BRWD1: variants seen among roughly 807,000 people sequenced by gnomAD.
The protein encoded by BRWD1 is bromodomain and WD repeat domain containing 1, also known as bromodomain and WD repeat-containing protein 1.
Under a neutral mutation model 251.2 loss-of-function variants are expected in BRWD1, and 82 were observed. The observed-to-expected ratio is 0.33, with a 90% CI of 0.27 to 0.39. BRWD1 has a LOEUF of 0.39. Ranked by LOEUF, BRWD1 falls within the 10% of genes least tolerant of loss-of-function variation. The pLI is 1.00. For missense variants in BRWD1, 2,233 were observed against 2,711.6 expected (o/e 0.82, Z 3.92); for synonymous variants, 918 against 902.8 (o/e 1.02, Z -0.30).
At chr21:39,263,057 A>G (rs1252028805) in intron 17 of BRWD1, among the ~76,000 whole-genome samples, 3 of 152,144 alleles carry the variant, frequency 2.0e-5, no homozygotes, top group Non-Finnish European at 2.9e-5. Context: ...GTCAGCCAAG[A>G]TCGCACCACT....
chr21:39,297,002 C>G, intron 5 of BRWD1: 4 of 985,358 alleles, frequency 4.1e-6, no homozygotes, highest in Non-Finnish European at 4.8e-6. Context: ...AATTATATAG[C>G]TTTCCCTTCA....
chr21:39,297,568 G>T (rs1423234598), intron 5 of BRWD1: 1 of 308,916 alleles, frequency 3.2e-6, no homozygotes, highest in Non-Finnish European at 4.7e-6. Flanking sequence ...ACACAGAAGA[G>T]GAAGAATATA....
At position 39,210,087 on chromosome 21, in the gene BRWD1, C is replaced by T; in HGVS notation, c.4105G>A (p.Ala1369Thr). 4 of 1,613,336 alleles carry T rather than the reference C, an allele frequency of 2.5e-6. No homozygotes were observed. Among genetic ancestry groups the T allele is most frequent in the Non-Finnish European group, 3.4e-6 (4 of 1,179,448 alleles). ...DFGTVRETLD[A>T]GNYDSPLEFC... ...TCCAAAGGGCTGTCATAATTTCCCG[C>T]ATCTAGAGTTTCCCTTACTGTTCCA... The change falls in exon 36 of 41, where the codon GCG becomes ACG. Residue 1369 changes from alanine to threonine, a missense_variant. Physicochemically the swap from Ala to Thr is moderately conservative, Grantham distance 58 (BLOSUM62 0). Around this residue, in one of 12 missense-constraint regions of BRWD1, gnomAD observed 69 missense variants for 101.6 expected, o/e 0.68. Coordinates refer to ENST00000342449, the MANE Select transcript of BRWD1 (RefSeq NM_033656.4).
Position 39,264,643 on chromosome 21 carries a change from T to TA in BRWD1, c.1701dup (p.Ile568TyrfsTer2). The TA allele has an allele frequency of 6.2e-7, 1 of 1,612,470 alleles. No homozygotes were observed. The highest frequency in any genetic ancestry group is 8.5e-7 in the Non-Finnish European group (1 of 1,179,402). ...AAGACATAATTATTAGAATCTCTAA[T>TA]AAGTGGTCGATAGTCAGTATGGAAG... On this transcript the variant is annotated frameshift_variant, in exon 17 of 41. Transcript: ENST00000342449. LOFTEE classifies it high-confidence loss of function.
rs1341927659 is a variant in BRWD1, at chr21:39,195,379, C to A, written c.*880G>T. 4 of 985,188 alleles carry A rather than the reference C, an allele frequency of 4.1e-6. No homozygotes were observed. The African/African-American group carries it at 7.0e-5, about 17-fold the overall frequency. The allele number at this position is 985,188 out of a possible 1,614,324, so 61.0% of individuals were successfully genotyped here. A position where few individuals can be genotyped will look rare whatever the true frequency, so the allele number is the denominator to read the frequency against. ...TCTATTAAAGAACACACTTCTAAATCTAAGGCACACGAATTCCTCTATTTC... is the reference window on the plus strand; with the variant it reads ...TCTATTAAAGAACACACTTCTAAATATAAGGCACACGAATTCCTCTATTTC... On this transcript the variant is annotated 3_prime_UTR_variant, in exon 41 of 41. Coordinates refer to ENST00000342449, the MANE Select transcript of BRWD1 (RefSeq NM_033656.4).
At chr21:39,205,718 C>T (rs1014735823) in intron 37 of BRWD1, among the ~76,000 whole-genome samples, 66 of 151,668 alleles carry the variant, frequency 4.4e-4, no homozygotes, top group African/African-American at 1.5e-3. Context: ...TTGCAGTCAG[C>T]CAAGATCATG....
intron 37 of BRWD1, among the ~76,000 whole-genome samples, chr21:39,205,263 G>A (rs373863958): frequency 6.6e-6 from 1 of 151,986 alleles, no homozygotes; most frequent in East Asian, 1.9e-4. Flanking sequence ...CTTGATCCCA[G>A]GAGTTCAAGA....
At position 39,264,969 on chromosome 21, in the gene BRWD1, A is replaced by G. The variant is rs1298981395; in HGVS notation, c.1581T>C (p.Asp527=). ...GAVFDCKFSQ[D]GQHFACTDSH... is the part of the protein sequence containing the mutation. ...AATCTGTACAGGCAAAATGCTGTCC[A>G]TCCTGTGAAAACTTACAGTCAAACA... Residue 527 remains aspartate, a synonymous_variant, in exon 16 of 41, where the codon GAT becomes GAC. Transcript: ENST00000342449. 3.1e-6 allele frequency: 5 copies of G among 1,613,900 alleles called. No homozygotes were observed. The African/African-American group carries it at 6.7e-5, about 22-fold the overall frequency.
chr21:39,251,767 T>C (rs758665927), intron 19 of BRWD1, among the ~76,000 whole-genome samples: 1 of 152,154 alleles, frequency 6.6e-6, no homozygotes, highest in Non-Finnish European at 1.5e-5. Context: ...ATAACGAGAT[T>C]TTCAGCTTGC....
chr21:39,310,153 G>A (rs762562273), intron 4 of BRWD1, among the ~76,000 whole-genome samples: 1 of 152,220 alleles, frequency 6.6e-6, no homozygotes, highest in Admixed American at 6.5e-5. Flanking sequence ...TCCATTGATA[G>A]TTTCTTAAAA....
intron 38 of BRWD1, 134 bp downstream of exon 38, chr21:39,202,191 A>C: frequency 1.7e-6 from 1 of 590,052 alleles, no homozygotes; most frequent in Non-Finnish European, 2.9e-6. Context: ...TATTATGTTT[A>C]TCTCTTCCAT....
At chr21:39,266,779 C>A (rs969738696) in intron 15 of BRWD1, among the ~76,000 whole-genome samples, 1 of 152,178 alleles carries the variant, frequency 6.6e-6, no homozygotes, top group African/African-American at 2.4e-5. Context: ...ACTGACAACC[C>A]TATTTAGTCT....
At chr21:39,237,361 A>C (rs1330208377) in intron 22 of BRWD1, among the ~76,000 whole-genome samples, 1 of 152,180 alleles carries the variant, frequency 6.6e-6, no homozygotes, top group Non-Finnish European at 1.5e-5. Context: ...GTCAAAGAGG[A>C]AACTAGTTAT....
At chr21:39,197,614 C>T (rs1194167276) in intron 40 of BRWD1, among the ~76,000 whole-genome samples, 199 bp from the exon 41 acceptor site, 2 of 152,136 alleles carry the variant, frequency 1.3e-5, no homozygotes, top group East Asian at 1.9e-4. Context: ...TAGGCTATTT[C>T]GTCTTAAGCA....
rs2031241997 is a variant in BRWD1 at position 39,186,485 on chromosome 21, G to GT, written c.*9773_*9774insA. Reference sequence around the variant, plus strand: ...TCCTAGTTTGTTTTTGACCTTTGGGGATGTGAATTGTAGGGAATGGATCTG... The same window carrying GT: ...TCCTAGTTTGTTTTTGACCTTTGGGGTATGTGAATTGTAGGGAATGGATCTG... On this transcript the variant is annotated 3_prime_UTR_variant, in exon 41 of 41. Transcript: ENST00000342449. The GT allele has an allele frequency of 6.6e-6, 1 of 152,150 alleles. No individual in the cohort carries two copies. The highest frequency in any genetic ancestry group is 1.5e-5 in the Non-Finnish European group (1 of 68,036). The allele number at this position is 152,150 out of a possible 1,614,324, so 9.4% of individuals were successfully genotyped here.
At chr21:39,270,578 G>C (rs2035066853) in intron 13 of BRWD1, 145 bp from the exon 14 acceptor site, 2 of 635,160 alleles carry the variant, frequency 3.1e-6, no homozygotes, top group African/African-American at 1.9e-5. Context: ...AGCTGACCCA[G>C]AACAGACTGT....
intron 27 of BRWD1, among the ~76,000 whole-genome samples, chr21:39,228,037 C>G (rs577079504): frequency 2.6e-5 from 4 of 152,174 alleles, no homozygotes; most frequent in African/African-American, 9.7e-5. Flanking sequence ...CACCTCTAAT[C>G]CCAGCAGTTT....
At position 39,206,199 on chromosome 21, in the gene BRWD1, C is replaced by T. The variant is rs2032383075; in HGVS notation, c.4273G>A (p.Gly1425Ser). 3 of 1,612,210 alleles carry T rather than the reference C, an allele frequency of 1.9e-6. No homozygotes were observed. In the East Asian group the frequency reaches 6.7e-5, roughly 36 times the overall value. The change falls in exon 37 of 41, where the codon GGT (glycine) becomes AGT (serine). Residue 1425 changes from glycine to serine, a missense_variant. Physicochemically the swap from Gly to Ser is moderately conservative, Grantham distance 56. Coordinates refer to ENST00000342449, the MANE Select transcript of BRWD1 (RefSeq NM_033656.4). Reference protein sequence around the residue: ...MKKISSDFKIGQKFNEKLRRS... With the variant: ...MKKISSDFKISQKFNEKLRRS... ...CGAAGTTTTTCATTGAATTTTTGAC[C>T]AATTTTAAAATCAGAAGAGATTTTC...
chr21:39,310,962 A>G (rs1369000421), intron 4 of BRWD1, among the ~76,000 whole-genome samples: 1 of 152,056 alleles, frequency 6.6e-6, no homozygotes, highest in Non-Finnish European at 1.5e-5. Flanking sequence ...GCTCATCATC[A>G]CTCAGTCCTG....
Sources: gnomAD v4.1 joint callset for allele counts (sites outside exome capture counted in the v4.1 genomes callset) on GRCh38, gnomAD v4.1.1 for gene constraint, gnomAD v4.1.1 regional missense constraint, MANE v1.5 for transcripts, NCBI Gene and HGNC (gene_info 2026-07-23, HGNC 2026-07-21) for gene names.